The following RBBP9 variants were observed in gnomAD, a reference collection of about 807,000 sequenced individuals.
RBBP9 encodes the protein RB binding protein 9, serine hydrolase.
RBBP9 carries 20 observed loss-of-function variants against 24.2 expected under a neutral mutation model. That is an observed-to-expected ratio of 0.83 (90% confidence interval 0.58 to 1.20). The LOEUF is 1.20. Ranked by LOEUF, RBBP9 falls within the 50% of genes most tolerant of loss-of-function variation. The pLI is 0.00. For synonymous variants in RBBP9, 74 were observed against 84.6 expected (o/e 0.87, Z 0.69); for missense variants, 234 against 233.6 (o/e 1.00, Z -0.01).
rs561475787 is a variant in RBBP9, at chr20:18,490,059, T to C, written c.335-69A>G. 20 of 1,145,288 alleles carry C rather than the reference T, an allele frequency of 1.7e-5. No homozygotes were observed. The South Asian group carries it at 2.5e-4, about 14-fold the overall frequency. 70.9% of individuals were successfully genotyped at this position (1,145,288 alleles called of 1,614,324 possible). ...TCCCTTCTAGATATTCTAAAATACC[T>C]ACTGGCGACCCACATAGAGACGCAA... is the stretch of plus-strand genomic sequence containing the variant. On this transcript the variant is annotated intron_variant, in intron 4 of 4. Coordinates refer to ENST00000337227, the MANE Select transcript of RBBP9 (RefSeq NM_006606.3).
intron 3 of RBBP9, among the ~76,000 whole-genome samples, chr20:18,491,613 A>G (rs1324578791): frequency 6.6e-6 from 1 of 152,186 alleles, no homozygotes; most frequent in Non-Finnish European, 1.5e-5. Context: ...CTTTATTGGC[A>G]AAAACCACAG....
intron 3 of RBBP9, among the ~76,000 whole-genome samples, chr20:18,490,927 C>A (rs963850819): frequency 6.6e-6 from 1 of 152,004 alleles, no homozygotes; most frequent in African/African-American, 2.4e-5. Flanking sequence ...AATCCACTCA[C>A]CCCGGCCTCC....
chr20:18,492,476 G>C (rs1170633444), intron 3 of RBBP9, among the ~76,000 whole-genome samples: 4 of 152,260 alleles, frequency 2.6e-5, no homozygotes, highest in African/African-American at 9.6e-5. Flanking sequence ...CTAGACTGAG[G>C]TAAACATTTC....
At chr20:18,494,132 C>T (rs6035062) in intron 2 of RBBP9, 69 bp from the exon 3 acceptor site, 1 of 1,228,110 alleles carries the variant, frequency 8.1e-7, no homozygotes, top group Non-Finnish European at 1.2e-6. Flanking sequence ...GCTGCCCCAC[C>T]TTTCAAACAG....
chr20:18,494,381 GA>G (rs1413890022), intron 2 of RBBP9, among the ~76,000 whole-genome samples: 5 of 138,680 alleles, frequency 3.6e-5, no homozygotes, highest in Admixed American at 7.5e-5. Flanking sequence ...TTTCAAACTT[GA>G]AAAAAAAAGC....
intron 2 of RBBP9, 89 bp downstream of exon 2, chr20:18,495,749 C>T: frequency 7.6e-7 from 1 of 1,320,282 alleles, no homozygotes. Context: ...TTTGGTTCCT[C>T]CACTATGATA....
At chr20:18,491,798 G>A (rs572401676) in intron 3 of RBBP9, among the ~76,000 whole-genome samples, 1 of 151,998 alleles carries the variant, frequency 6.6e-6, no homozygotes, top group Middle Eastern at 3.2e-3. Context: ...CAGAAACGTT[G>A]AAAGAACAAG....
Position 18,489,621 on chromosome 20 carries a change from A to T in RBBP9, c.*143T>A, listed in dbSNP as rs566729237. The T allele has an allele frequency of 7.9e-5, 48 of 604,518 alleles. No individual in the cohort carries two copies. The Admixed American group carries it at 1.4e-3, about 17-fold the overall frequency. The allele number at this position is 604,518 out of a possible 1,614,324, so 37.4% of individuals were successfully genotyped here. A position where few individuals can be genotyped will look rare whatever the true frequency, so the allele number is the denominator to read the frequency against. ...ATGGAAAATGGAAGTGCTATTTGTA[A>T]CTTAGATTGAATGTTGAAACTTGTG... is the stretch of plus-strand genomic sequence containing the variant. On this transcript the variant is annotated 3_prime_UTR_variant, in exon 5 of 5. Transcript: ENST00000337227.
Position 18,497,053 on chromosome 20 carries a change from G to A in RBBP9, c.99+16C>T. 1 of 1,608,576 alleles carries A rather than the reference G, an allele frequency of 6.2e-7. No individual in the cohort carries two copies. On this transcript the variant is annotated intron_variant, in intron 1 of 4. Coordinates refer to ENST00000337227, the MANE Select transcript of RBBP9 (RefSeq NM_006606.3). ...CTCCAGGCTGACTTCACGGAGCAGC[G>A]GCGTTGGGCGCTTACCTTCTCCAGC...
Position 18,489,624 on chromosome 20 carries a change from T to C in RBBP9, c.*140A>G, listed in dbSNP as rs765161234. On this transcript the variant is annotated 3_prime_UTR_variant, in exon 5 of 5. Coordinates refer to ENST00000337227, the MANE Select transcript of RBBP9 (RefSeq NM_006606.3). ...GAAAATGGAAGTGCTATTTGTAACT[T>C]AGATTGAATGTTGAAACTTGTGTTT... 3.3e-6 allele frequency: 2 copies of C among 609,776 alleles called. No homozygotes were observed. The highest frequency in any genetic ancestry group is 5.8e-6 in the Non-Finnish European group (2 of 346,274). The allele number at this position is 609,776 out of a possible 1,614,324, so 37.8% of individuals were successfully genotyped here.
At chr20:18,491,322 T>C (rs529018331) in intron 3 of RBBP9, among the ~76,000 whole-genome samples, 3 of 152,372 alleles carry the variant, frequency 2.0e-5, no homozygotes, top group South Asian at 2.1e-4. Flanking sequence ...TTTCTCTCAA[T>C]AAATTGTCAG....
rs1027907551 is a variant in RBBP9 at position 18,487,188 on chromosome 20, G to A, written c.*2576C>T. 2.0e-5 allele frequency: 3 copies of A among 152,148 alleles called. No homozygotes were observed. In the South Asian group the frequency reaches 6.2e-4, roughly 31 times the overall value. 9.4% of individuals were successfully genotyped at this position (152,148 alleles called of 1,614,324 possible). ...CTGTTGAGCACTTGAAATATGGCTA[G>A]TTTGACTGAACTGAATTTTCAATTT... is the stretch of plus-strand genomic sequence containing the variant. On this transcript the variant is annotated 3_prime_UTR_variant, in exon 5 of 5. Transcript: ENST00000337227.
At chr20:18,491,078 G>T (rs1322679380) in intron 3 of RBBP9, among the ~76,000 whole-genome samples, 2 of 152,206 alleles carry the variant, frequency 1.3e-5, no homozygotes, top group African/African-American at 4.8e-5. Context: ...GTGTCACTTG[G>T]TTGGTGAACA....
Position 18,489,998 on chromosome 20 carries a change from G to GAA in RBBP9, c.335-10_335-9dup. 6.7e-7 allele frequency: 1 copy of GAA among 1,481,812 alleles called. No individual in the cohort carries two copies. 91.8% of individuals were successfully genotyped at this position (1,481,812 alleles called of 1,614,324 possible). Reference sequence around the variant, plus strand: ...AGGGGCGGGTGAAGTATCCTATGGGGAAAAAAAAATGATCTTTCAGTACCC... The same window carrying GAA: ...AGGGGCGGGTGAAGTATCCTATGGGGAAAAAAAAAAATGATCTTTCAGTACCC... On this transcript the variant is annotated splice_polypyrimidine_tract_variant and intron_variant, in intron 4 of 4. Transcript: ENST00000337227.
chr20:18,492,850 T>C (rs2059870902), intron 3 of RBBP9, among the ~76,000 whole-genome samples: 1 of 152,316 alleles, frequency 6.6e-6, no homozygotes, highest in East Asian at 1.9e-4. Context: ...TTGAGAAAAA[T>C]GCAGTTGGCC....
At chr20:18,495,987 T>A in intron 1 of RBBP9, 107 bp from the exon 2 acceptor site, 2 of 931,872 alleles carry the variant, frequency 2.1e-6, no homozygotes, top group East Asian at 2.7e-5. Flanking sequence ...AATTCAGTAT[T>A]AACTTGTGTT....
chr20:18,492,096 CAAA>C (rs71194242), intron 3 of RBBP9, among the ~76,000 whole-genome samples: 2 of 70,060 alleles, frequency 2.9e-5, no homozygotes, highest in Non-Finnish European at 2.6e-5. Context: ...GGCTCTGTCT[CAAA>C]AAAAAAAAAA....
At chr20:18,491,816 G>T (rs2059866866) in intron 3 of RBBP9, among the ~76,000 whole-genome samples, 1 of 151,566 alleles carries the variant, frequency 6.6e-6, no homozygotes, top group South Asian at 2.1e-4. Flanking sequence ...AAGCACCTAG[G>T]CCGGGCACGG....
rs917795891 is a variant in RBBP9 at position 18,494,051 on chromosome 20, T to C, written c.155A>G (p.Glu52Gly). 5.6e-6 allele frequency: 9 copies of C among 1,613,386 alleles called. No homozygotes were observed. The highest frequency in any genetic ancestry group is 1.3e-5 in the African/African-American group (1 of 74,852). The change falls in exon 3 of 5, where the codon GAG becomes GGG. Residue 52 changes from glutamate to glycine, a missense_variant. Coordinates refer to ENST00000337227, the MANE Select transcript of RBBP9 (RefSeq NM_006606.3). The part of the protein sequence containing the change: ...KNMPDPITAR[E>G]SIWLPFMETE... ...CTCCATGAAGGGCAGCCAGATGCTC[T>C]CTCGTGCTGTAACTTAAGGTTCAGG...
Sources: gnomAD v4.1 joint callset for allele counts (sites outside exome capture counted in the v4.1 genomes callset) on GRCh38, gnomAD v4.1.1 for gene constraint, MANE v1.5 for transcripts, NCBI Gene and HGNC (gene_info 2026-07-23, HGNC 2026-07-21) for gene names.